KCNQ3: variants seen among roughly 807,000 people sequenced by gnomAD.
The protein encoded by KCNQ3 is potassium voltage-gated channel subfamily Q member 3.
A neutral mutation model predicts 92.5 loss-of-function variants in KCNQ3; 30 were observed. That is an observed-to-expected ratio of 0.32 (90% confidence interval 0.24 to 0.44). The LOEUF is 0.44. Ranked by LOEUF, KCNQ3 falls within the 20% of genes least tolerant of loss-of-function variation. KCNQ3 has a pLI of 1.00. For missense variants in KCNQ3, 913 were observed against 1,140.3 expected (o/e 0.80, Z 2.87); for synonymous variants, 450 against 468.8 (o/e 0.96, Z 0.52).
chr8:132,256,580 CTG>C (rs897694086), intron 1 of KCNQ3, among the ~76,000 whole-genome samples: 1 of 152,082 alleles, frequency 6.6e-6, no homozygotes, highest in African/African-American at 2.4e-5. Flanking sequence ...TAGGCAGAAA[CTG>C]AGAATTTTGA....
intron 1 of KCNQ3, among the ~76,000 whole-genome samples, chr8:132,370,542 A>G (rs1819446532): frequency 6.6e-6 from 1 of 151,940 alleles, no homozygotes; most frequent in African/African-American, 2.4e-5. Context: ...AGAGCCCCGT[A>G]TTTTCCTCAG....
intron 1 of KCNQ3, among the ~76,000 whole-genome samples, chr8:132,376,865 G>A: frequency 6.6e-6 from 1 of 152,194 alleles, no homozygotes; most frequent in East Asian, 1.9e-4. Flanking sequence ...CAGAGCACTA[G>A]TCCTGTGCTA....
chr8:132,151,923 C>T (rs1825646933), intron 9 of KCNQ3, among the ~76,000 whole-genome samples: 1 of 152,146 alleles, frequency 6.6e-6, no homozygotes, highest in Non-Finnish European at 1.5e-5. Context: ...AATATATGTT[C>T]CAGAATTGTA....
intron 1 of KCNQ3, among the ~76,000 whole-genome samples, chr8:132,416,719 A>T (rs1269155752): frequency 1.3e-5 from 2 of 152,196 alleles, no homozygotes; most frequent in Non-Finnish European, 2.9e-5. Context: ...GAGGAATTAG[A>T]TACAAAACCT....
chr8:132,183,918 T>C (rs941804822), intron 3 of KCNQ3, among the ~76,000 whole-genome samples: 1 of 152,066 alleles, frequency 6.6e-6, no homozygotes, highest in Non-Finnish European at 1.5e-5. Context: ...TGACTGGGGG[T>C]GCTACTACTC....
chr8:132,365,850 C>T (rs1394786994), intron 1 of KCNQ3, among the ~76,000 whole-genome samples: 9 of 152,084 alleles, frequency 5.9e-5, no homozygotes, highest in South Asian at 2.1e-4. Flanking sequence ...GGCAACATGG[C>T]GAAACCCTGT....
rs1816421422 is a variant in KCNQ3, at chr8:132,278,847, C to T, written c.387-92666G>A. The stretch of plus-strand genomic sequence containing the variant: ...GGAGTGTTCACTAAAAATATAAATT[C>T]CAGCCTCCCCAAAAGCTAGATGCCT... On this transcript the variant is annotated intron_variant, in intron 1 of 14. Coordinates refer to ENST00000388996, the MANE Select transcript of KCNQ3 (RefSeq NM_004519.4). 3.9e-5 allele frequency among the ~76,000 whole-genome samples: 6 copies of T among 152,288 alleles called. No individual in the cohort carries two copies. The South Asian group carries it at 1.2e-3, about 32-fold the overall frequency.
At chr8:132,342,813 T>C (rs899266124) in intron 1 of KCNQ3, among the ~76,000 whole-genome samples, 3 of 152,220 alleles carry the variant, frequency 2.0e-5, no homozygotes, top group African/African-American at 7.2e-5. Flanking sequence ...GAAGTATGTA[T>C]AGTCATAAAC....
intron 1 of KCNQ3, among the ~76,000 whole-genome samples, chr8:132,457,003 G>C (rs1161652509): frequency 6.6e-6 from 1 of 152,138 alleles, no homozygotes; most frequent in Non-Finnish European, 1.5e-5. Flanking sequence ...ATGTATTTTT[G>C]CTTCAACCAA....
chr8:132,171,574 C>T (rs1030995097), intron 7 of KCNQ3, among the ~76,000 whole-genome samples: 2 of 152,208 alleles, frequency 1.3e-5, no homozygotes, highest in Non-Finnish European at 2.9e-5. Context: ...CTGGCAGGTG[C>T]ATGTCCAACA....
At chr8:132,306,273 T>C (rs10095678) in intron 1 of KCNQ3, among the ~76,000 whole-genome samples, 118,515 of 152,146 alleles carry the variant, frequency 0.78, 46,616 homozygotes, top group East Asian at 0.92. Context: ...CTTTCTTCTC[T>C]CTCTCCCAAT....
At chr8:132,384,280 A>G (rs1220921371) in intron 1 of KCNQ3, among the ~76,000 whole-genome samples, 4 of 152,198 alleles carry the variant, frequency 2.6e-5, no homozygotes, top group Non-Finnish European at 5.9e-5. Flanking sequence ...TGTGTCTGGT[A>G]GGGACTGAGC....
intron 1 of KCNQ3, among the ~76,000 whole-genome samples, chr8:132,203,324 C>T (rs181495778): frequency 4.7e-4 from 71 of 152,248 alleles, no homozygotes; most frequent in Middle Eastern, 6.8e-3. Context: ...GCAAACTTCC[C>T]TATGACCTGA....
intron 1 of KCNQ3, among the ~76,000 whole-genome samples, chr8:132,424,355 C>CA (rs1484394128): frequency 6.6e-6 from 1 of 152,162 alleles, no homozygotes; most frequent in East Asian, 1.9e-4. Context: ...TCAACAGCTC[C>CA]AAAAACTCTA....
At chr8:132,229,639 A>G (rs1814564853) in intron 1 of KCNQ3, among the ~76,000 whole-genome samples, 1 of 152,022 alleles carries the variant, frequency 6.6e-6, no homozygotes, top group Admixed American at 6.6e-5. Context: ...ACCTGGGGCT[A>G]GAAATTTGGA....
At chr8:132,292,557 G>A (rs994361487) in intron 1 of KCNQ3, among the ~76,000 whole-genome samples, 3 of 152,170 alleles carry the variant, frequency 2.0e-5, no homozygotes, top group African/African-American at 7.2e-5. Flanking sequence ...ATGCATGGAT[G>A]GAGAGACAGC....
At chr8:132,365,654 T>C (rs1819301472) in intron 1 of KCNQ3, among the ~76,000 whole-genome samples, 2 of 152,240 alleles carry the variant, frequency 1.3e-5, no homozygotes, top group Non-Finnish European at 2.9e-5. Flanking sequence ...TGTTGTCAAG[T>C]AAATGAATGC....
intron 1 of KCNQ3, among the ~76,000 whole-genome samples, chr8:132,369,606 C>T (rs1819418110): frequency 6.6e-6 from 1 of 151,424 alleles, no homozygotes; most frequent in South Asian, 2.1e-4. Flanking sequence ...CACACACAAT[C>T]ACACAATGGG....
chr8:132,228,280 A>G (rs1338319347), intron 1 of KCNQ3, among the ~76,000 whole-genome samples: 1 of 152,132 alleles, frequency 6.6e-6, no homozygotes, highest in Admixed American at 6.5e-5. Flanking sequence ...ACAAATGAAT[A>G]ATTGTATTAA....
Sources: gnomAD v4.1 joint callset for allele counts (sites outside exome capture counted in the v4.1 genomes callset) on GRCh38, gnomAD v4.1.1 for gene constraint, MANE v1.5 for transcripts, NCBI Gene and HGNC (gene_info 2026-07-23, HGNC 2026-07-21) for gene names.